Variants in SULF1 observed in about 807,000 individuals in gnomAD.
SULF1 encodes the protein sulfatase 1.
In SULF1, 46 loss-of-function variants were observed where a neutral mutation model predicts 110.5. That is an observed-to-expected ratio of 0.42 (90% CI 0.33 to 0.53). SULF1 has a LOEUF of 0.53. Among genes scored for constraint, SULF1 ranks in the 20% least tolerant of loss-of-function variants. SULF1 has a pLI of 0.12. For synonymous variants in SULF1, 371 were observed against 387.1 expected (o/e 0.96, Z 0.49); for missense variants, 941 against 1,094.2 (o/e 0.86, Z 1.98).
At chr8:69,476,453 T>G (rs1460415593) in intron 1 of SULF1, among the ~76,000 whole-genome samples, 1 of 152,232 alleles carries the variant, frequency 6.6e-6, no homozygotes, top group Non-Finnish European at 1.5e-5. Context: ...CTTTTCAAAC[T>G]CGTGCATTAT....
chr8:69,592,994 G>A, intron 8 of SULF1: 2 of 984,566 alleles, frequency 2.0e-6, no homozygotes, highest in Non-Finnish European at 2.4e-6. Flanking sequence ...GTAAGTGCCA[G>A]TTTGGAGAAC....
chr8:69,593,079 G>C (rs915815633), intron 8 of SULF1: 3 of 553,376 alleles, frequency 5.4e-6, no homozygotes, highest in Non-Finnish European at 6.9e-6. Context: ...TAATCCTTGG[G>C]TTTTGTGCAC....
chr8:69,529,119 G>A (rs1812908539), intron 3 of SULF1, among the ~76,000 whole-genome samples: 1 of 152,120 alleles, frequency 6.6e-6, no homozygotes, highest in African/African-American at 2.4e-5. Context: ...CTGAGATCCG[G>A]AAAGTTTAAC....
rs770550261 is a variant in SULF1 at position 69,600,682 on chromosome 8, A to G, written c.814A>G (p.Met272Val). Residue 272 changes from methionine to valine, a missense_variant, in exon 9 of 23, where the codon ATG becomes GTG. Met to Val is a conservative substitution (Grantham distance 21, BLOSUM62 1). Transcript: ENST00000402687. ...CACAGGACCAATGCTGCCCATCCACATGGAATTTACAAACATTCTACAGCG... is the reference window on the plus strand; with the variant it reads ...CACAGGACCAATGCTGCCCATCCACGTGGAATTTACAAACATTCTACAGCG... The part of the protein sequence containing the change: ...QYTGPMLPIH[M>V]EFTNILQRKR... 3.7e-6 allele frequency: 6 copies of G among 1,614,000 alleles called. No individual in the cohort carries two copies. The highest frequency in any genetic ancestry group is 4.5e-5 in the East Asian group (2 of 44,888).
chr8:69,495,670 A>T (rs553472132), intron 1 of SULF1, 95 bp from the exon 2 acceptor site: 1 of 152,372 alleles, frequency 6.6e-6, no homozygotes, highest in East Asian at 1.9e-4. Context: ...ATGAGCAGAG[A>T]CTAAAGATCT....
chr8:69,493,502 C>G (rs953487404), intron 1 of SULF1, among the ~76,000 whole-genome samples: 1 of 151,050 alleles, frequency 6.6e-6, no homozygotes, highest in Non-Finnish European at 1.5e-5. Context: ...CCTTTTTGCC[C>G]TTAAGAGGAG....
chr8:69,587,097 T>C lies in SULF1; in HGVS notation c.564+589T>C, dbSNP rs1806520904. On this transcript the variant is annotated intron_variant, in intron 7 of 22. Transcript: ENST00000402687. ...CAGTTCAGAGAAACTGAAATCAACA[T>C]GTCCCATAGTTCTTTGACCAGTGGG... Among the ~76,000 whole-genome samples the C allele has an allele frequency of 2.0e-5, 3 of 152,210 alleles. No individual in the cohort carries two copies. The South Asian group carries it at 6.2e-4, about 31-fold the overall frequency.
intron 22 of SULF1, chr8:69,641,217 T>C (rs944567247): frequency 1.1e-5 from 2 of 184,712 alleles, no homozygotes; most frequent in African/African-American, 4.7e-5. Flanking sequence ...GGGAGCTTCA[T>C]GAAAATGGGT....
At chr8:69,589,221 G>A (rs935498025) in intron 8 of SULF1, 80 bp downstream of exon 8, 8 of 1,375,014 alleles carry the variant, frequency 5.8e-6, no homozygotes, top group East Asian at 2.5e-5. Context: ...CCTTTACCCC[G>A]TTTCCTTCCA....
chr8:69,575,984 A>G lies in SULF1; in HGVS notation c.187A>G (p.Met63Val), dbSNP rs765087619. 4 of 1,613,882 alleles carry G rather than the reference A, an allele frequency of 2.5e-6. No homozygotes were observed. Among genetic ancestry groups the G allele is most frequent in the Non-Finnish European group, 3.4e-6 (4 of 1,179,922 alleles). ...QDVELGSLQV[M>V]NKTRKIMEHG... ...GTGCCTTTCAGGGTCCCTGCAAGTC[A>G]TGAACAAAACGAGAAAGATTATGGA... The change falls in exon 6 of 23, where the codon ATG becomes GTG. Residue 63 changes from methionine (M) to valine (V), a missense_variant. Transcript: ENST00000402687.
At position 69,619,189 on chromosome 8, in the gene SULF1, A is replaced by G. The variant is rs1194593762; in HGVS notation, c.1378-1846A>G. On this transcript the variant is annotated intron_variant, in intron 13 of 22. Coordinates refer to ENST00000402687, the MANE Select transcript of SULF1 (RefSeq NM_001128205.2). ...GCACCCATTTAAAGAAGAGTTTCTCACTCTTTAACTAGATATGAACAAAAA... is the reference window on the plus strand; with the variant it reads ...GCACCCATTTAAAGAAGAGTTTCTCGCTCTTTAACTAGATATGAACAAAAA... Among the ~76,000 whole-genome samples, 3 of 152,304 alleles carry G rather than the reference A, an allele frequency of 2.0e-5. No individual in the cohort carries two copies. The East Asian group carries it at 5.8e-4, about 29-fold the overall frequency.
intron 6 of SULF1, among the ~76,000 whole-genome samples, chr8:69,577,017 G>A (rs181796282): frequency 6.6e-6 from 1 of 152,352 alleles, no homozygotes; most frequent in Admixed American, 6.5e-5. Flanking sequence ...ACTGGACTCA[G>A]GAAATATATG....
chr8:69,528,568 A>T (rs1042557340), intron 3 of SULF1, among the ~76,000 whole-genome samples: 2 of 152,182 alleles, frequency 1.3e-5, no homozygotes, highest in African/African-American at 4.8e-5. Flanking sequence ...GAAAACTGGA[A>T]TATTTTGTTA....
At chr8:69,474,280 G>A (rs991378616) in intron 1 of SULF1, among the ~76,000 whole-genome samples, 3 of 152,160 alleles carry the variant, frequency 2.0e-5, no homozygotes, top group African/African-American at 4.8e-5. Context: ...TTAGAAGTGT[G>A]CACCTCTAGA....
At chr8:69,581,890 T>G (rs544955334) in intron 6 of SULF1, among the ~76,000 whole-genome samples, 1 of 152,278 alleles carries the variant, frequency 6.6e-6, no homozygotes, top group East Asian at 1.9e-4. Context: ...AAGGCCCCCA[T>G]CAGCCTTGGA....
intron 22 of SULF1, among the ~76,000 whole-genome samples, chr8:69,657,315 T>A (rs573749565): frequency 1.9e-3 from 287 of 152,326 alleles, no homozygotes; most frequent in South Asian, 0.012. Context: ...CCAATGGCTG[T>A]TTCTCCCTTC....
intron 5 of SULF1, 79 bp from the exon 6 acceptor site, chr8:69,575,891 A>G: frequency 6.6e-7 from 1 of 1,523,368 alleles, no homozygotes; most frequent in Non-Finnish European, 8.9e-7. Flanking sequence ...TCAGGGAAAC[A>G]GAGGCACTGA....
intron 19 of SULF1, among the ~76,000 whole-genome samples, chr8:69,631,062 G>A (rs1043429221): frequency 3.9e-5 from 6 of 152,018 alleles, no homozygotes; most frequent in African/African-American, 1.2e-4. Flanking sequence ...TGGGGAAGAC[G>A]GGTCTTTGAG....
At chr8:69,498,742 A>G (rs1810571763) in intron 2 of SULF1, among the ~76,000 whole-genome samples, 1 of 152,192 alleles carries the variant, frequency 6.6e-6, no homozygotes, top group Non-Finnish European at 1.5e-5. Flanking sequence ...ACTTTTCCAG[A>G]TAAAGAACAG....
Sources: allele counts gnomAD v4.1 joint callset (sites outside exome capture counted in the v4.1 genomes callset), GRCh38; gene constraint gnomAD v4.1.1; transcripts MANE v1.5; gene names NCBI Gene and HGNC (gene_info 2026-07-23, HGNC 2026-07-21).